Variants in ERBB4 observed in about 807,000 individuals in gnomAD.
The protein encoded by ERBB4 is erb-b2 receptor tyrosine kinase 4.
In ERBB4, 42 loss-of-function variants were observed where a neutral mutation model predicts 158.0. That is an observed-to-expected ratio of 0.27 (90% CI 0.21 to 0.34). The LOEUF (loss-of-function observed/expected upper bound fraction) is 0.34, where lower values mean the gene tolerates loss of function less well. Ranked by LOEUF, ERBB4 falls within the 10% of genes least tolerant of loss-of-function variation. The pLI is 1.00. For synonymous variants in ERBB4, 583 were observed against 558.7 expected (o/e 1.04, Z -0.61); for missense variants, 1,333 against 1,624.1 (o/e 0.82, Z 3.08).
chr2:212,099,282 CA>C (rs1261869701), intron 2 of ERBB4, among the ~76,000 whole-genome samples: 18 of 151,902 alleles, frequency 1.2e-4, no homozygotes, highest in Non-Finnish European at 2.5e-4. Context: ...GCTACTGCTT[CA>C]AAAAATTCTT....
intron 2 of ERBB4, among the ~76,000 whole-genome samples, chr2:212,114,019 T>C (rs1457210817): frequency 6.6e-6 from 1 of 152,206 alleles, no homozygotes; most frequent in African/African-American, 2.4e-5. Flanking sequence ...TACTTATTTA[T>C]TTCACAAGTA....
intron 19 of ERBB4, among the ~76,000 whole-genome samples, chr2:211,600,748 A>C (rs2068774460): frequency 6.6e-6 from 1 of 152,204 alleles, no homozygotes; most frequent in South Asian, 2.1e-4. Context: ...GGCTAACTGT[A>C]AAAATAACTT....
chr2:211,580,801 T>TAGATATATATAG (rs1330531269), intron 19 of ERBB4, among the ~76,000 whole-genome samples: 3,824 of 28,438 alleles, frequency 0.13, 550 homozygotes, highest in African/African-American at 0.43. Flanking sequence ...TATATATATA[T>TAGATATATATAG]ATATATATAT....
chr2:211,815,623 T>C (rs995309092), intron 3 of ERBB4, among the ~76,000 whole-genome samples: 4 of 152,194 alleles, frequency 2.6e-5, no homozygotes, highest in African/African-American at 9.7e-5. Context: ...GTTTATGGTG[T>C]ATGTGATAGT....
At chr2:212,224,557 TCA>T (rs1013265138) in intron 1 of ERBB4, among the ~76,000 whole-genome samples, 12 of 152,028 alleles carry the variant, frequency 7.9e-5, no homozygotes, top group African/African-American at 2.4e-4. Flanking sequence ...CATTTATTCT[TCA>T]CACACACAAG....
chr2:211,532,669 C>T (rs2066532879), intron 20 of ERBB4, among the ~76,000 whole-genome samples: 2 of 151,672 alleles, frequency 1.3e-5, no homozygotes, highest in African/African-American at 4.8e-5. Flanking sequence ...ATTTTGTGTG[C>T]CAGCTGAACA....
chr2:212,253,742 G>C (rs980512715), intron 1 of ERBB4, among the ~76,000 whole-genome samples: 6 of 152,120 alleles, frequency 3.9e-5, no homozygotes, highest in Admixed American at 2.6e-4. Flanking sequence ...TAGTTAAGTA[G>C]TTAAGTAAAG....
chr2:211,833,153 T>A (rs1371799793), intron 3 of ERBB4, among the ~76,000 whole-genome samples: 1 of 152,096 alleles, frequency 6.6e-6, no homozygotes, highest in African/African-American at 2.4e-5. Context: ...CCCCTTGTAA[T>A]CACAATCTAT....
At chr2:212,010,143 C>T (rs1425019115) in intron 2 of ERBB4, among the ~76,000 whole-genome samples, 1 of 152,122 alleles carries the variant, frequency 6.6e-6, no homozygotes, top group African/African-American at 2.4e-5. Context: ...CCTTGTTGCT[C>T]GTGGAGCATC....
intron 2 of ERBB4, among the ~76,000 whole-genome samples, chr2:211,968,407 A>C (rs908716320): frequency 3.9e-5 from 6 of 152,070 alleles, no homozygotes; most frequent in African/African-American, 7.2e-5. Context: ...CATATGTTTT[A>C]ATGCAGATTT....
At chr2:212,176,766 G>A (rs1294794147) in intron 1 of ERBB4, among the ~76,000 whole-genome samples, 1 of 151,756 alleles carries the variant, frequency 6.6e-6, no homozygotes, top group African/African-American at 2.4e-5. Context: ...TTTATAATGT[G>A]TATGTCAGTG....
chr2:211,455,826 T>C (rs945499315), intron 20 of ERBB4, among the ~76,000 whole-genome samples: 1 of 152,160 alleles, frequency 6.6e-6, no homozygotes, highest in Non-Finnish European at 1.5e-5. Context: ...GCTCCACAAT[T>C]TATACCTAAT....
rs143052557 is a variant in ERBB4, at chr2:211,690,723, T to G, written c.1489+11244A>C. ...TTCTTAAGAGAAAAGAAATTTTCGA[T>G]CAGCACCAAGAATTCAACAGCCCTC... On this transcript the variant is annotated intron_variant, in intron 12 of 27. Coordinates refer to ENST00000342788, the MANE Select transcript of ERBB4 (RefSeq NM_005235.3). 7.6e-3 allele frequency among the ~76,000 whole-genome samples: 1,152 copies of G among 152,240 alleles called. 15 individuals are homozygous for G. The highest frequency in any genetic ancestry group is 0.027 in the African/African-American group (1,104 of 41,556).
chr2:211,514,038 AGTT>A (rs1352231804), intron 20 of ERBB4, among the ~76,000 whole-genome samples: 1 of 152,126 alleles, frequency 6.6e-6, no homozygotes, highest in African/African-American at 2.4e-5. Flanking sequence ...TGTCAACTAT[AGTT>A]GTCCTACTGT....
intron 1 of ERBB4, among the ~76,000 whole-genome samples, chr2:212,281,414 T>C (rs926722528): frequency 5.9e-5 from 9 of 151,752 alleles, no homozygotes; most frequent in African/African-American, 2.2e-4. Context: ...ACAAATGCCA[T>C]CCCCAGTCAC....
chr2:212,233,412 T>A (rs1414270392), intron 1 of ERBB4, among the ~76,000 whole-genome samples: 2 of 152,152 alleles, frequency 1.3e-5, no homozygotes, highest in Non-Finnish European at 2.9e-5. Flanking sequence ...CTAAGTTATT[T>A]TTCATACTAT....
chr2:211,473,056 C>T (rs2125530500), intron 20 of ERBB4, among the ~76,000 whole-genome samples: 1 of 151,848 alleles, frequency 6.6e-6, no homozygotes, highest in African/African-American at 2.4e-5. Context: ...TCAAAGGGGT[C>T]TTTGCAAATG....
intron 1 of ERBB4, among the ~76,000 whole-genome samples, chr2:212,451,340 T>C (rs570866148): frequency 3.3e-5 from 5 of 152,284 alleles, no homozygotes; most frequent in African/African-American, 1.2e-4. Context: ...GTTGGAAAAA[T>C]CATAAACTAC....
chr2:212,372,039 A>T (rs1292562216), intron 1 of ERBB4, among the ~76,000 whole-genome samples: 1 of 152,194 alleles, frequency 6.6e-6, no homozygotes, highest in Non-Finnish European at 1.5e-5. Context: ...TGATATTAGC[A>T]TAAACAAGAA....
Sources: allele counts gnomAD v4.1 joint callset (sites outside exome capture counted in the v4.1 genomes callset), GRCh38; gene constraint gnomAD v4.1.1; transcripts MANE v1.5; gene names NCBI Gene and HGNC (gene_info 2026-07-23, HGNC 2026-07-21).